The following CTU1 variants were observed in gnomAD, a reference collection of about 807,000 sequenced individuals.
The protein encoded by CTU1 is cytosolic thiouridylase subunit 1, also known as cytoplasmic tRNA 2-thiolation protein 1.
Under a neutral mutation model 12.9 loss-of-function variants are expected in CTU1, and 15 were observed. The observed-to-expected ratio is 1.16, with a 90% CI of 0.78 to 1.79. The LOEUF is 1.79. Ranked by LOEUF, CTU1 falls within the 40% of genes most tolerant of loss-of-function variation. The pLI is 0.00. For missense variants in CTU1, 553 were observed against 550.5 expected (o/e 1.00, Z -0.05); for synonymous variants, 295 against 275.6 (o/e 1.07, Z -0.70).
intron 1 of CTU1, among the ~76,000 whole-genome samples, chr19:51,105,073 G>A (rs1012695351): frequency 2.0e-5 from 3 of 152,172 alleles, no homozygotes; most frequent in Non-Finnish European, 2.9e-5. Flanking sequence ...GCAGAGGGAG[G>A]CCAGGGGACT....
chr19:51,098,987 C>T lies in CTU1; in HGVS notation c.661G>A (p.Val221Met), dbSNP rs1172908956. 3.2e-6 allele frequency: 5 copies of T among 1,541,842 alleles called. No individual in the cohort carries two copies. The highest frequency in any genetic ancestry group is 1.8e-5 in the Admixed American group (1 of 55,174). ...RPLQFASQKEVVLYAHFRRLD... is the reference protein window; with the variant it reads ...RPLQFASQKEMVLYAHFRRLD... ...CGGCGGAAGTGCGCGTACAGCACCA[C>T]CTCCTTCTGCGAGGCGAACTGCAGC... Residue 221 changes from valine to methionine, a missense_variant, in exon 3 of 3, where the codon GTG (valine) becomes ATG (methionine). Transcript: ENST00000421832. This position sits in a 1 kb window ranked among gnomAD's most constrained non-coding sequence, Gnocchi z 4.3.
At chr19:51,106,671 A>G (rs892441626) in intron 1 of CTU1, among the ~76,000 whole-genome samples, 3 of 119,756 alleles carry the variant, frequency 2.5e-5, no homozygotes, top group African/African-American at 9.0e-5. Flanking sequence ...ATGCCTGGCT[A>G]ATTTTTTTTT....
intron 1 of CTU1, among the ~76,000 whole-genome samples, chr19:51,106,483 C>A (rs752954227): frequency 6.7e-6 from 1 of 150,128 alleles, no homozygotes; most frequent in Non-Finnish European, 1.5e-5. Context: ...CCATCTCTTT[C>A]CATTTTTTAA....
At position 51,104,177 on chromosome 19, in the gene CTU1, G is replaced by A. The variant is rs1275994320; in HGVS notation, c.393C>T (p.Ala131=). The A allele has an allele frequency of 2.0e-6, 3 of 1,522,208 alleles. No individual in the cohort carries two copies. The Admixed American group carries it at 6.3e-5, about 32-fold the overall frequency. 94.3% of individuals were successfully genotyped at this position (1,522,208 alleles called of 1,614,324 possible). The change falls in exon 2 of 3, where the codon GCC becomes GCT. Residue 131 remains alanine, a synonymous_variant. Coordinates refer to ENST00000421832, the MANE Select transcript of CTU1 (RefSeq NM_145232.4). Reference sequence around the variant, plus strand: ...TGCGGCCGGAGCCGGCTGTGCTGCGGGCCACGGCGTCCATCGTCCAGCCCC... The same window carrying A: ...TGCGGCCGGAGCCGGCTGTGCTGCGAGCCACGGCGTCCATCGTCCAGCCCC... The part of the protein sequence containing the change: ...LFGGWTMDAV[A]RSTAGSGRSR...
chr19:51,104,040 C>G, intron 2 of CTU1, 22 bp downstream of exon 2: 3 of 1,428,176 alleles, frequency 2.1e-6, no homozygotes, highest in South Asian at 1.5e-5. Context: ...GAGTGCCGCT[C>G]TGCGGCCCGT....
In CTU1 at chr19:51,101,132, C is replaced by T. The variant is rs188282859; in HGVS notation, c.509-1993G>A. Among the ~76,000 whole-genome samples the T allele has an allele frequency of 1.1e-4, 16 of 152,170 alleles. No individual in the cohort carries two copies. The East Asian group carries it at 1.2e-3, about 11-fold the overall frequency. ...GCTAATTTTTGTATTTCTATACAGA[C>T]GCAGTTTCTCCATGTTGGCCAGGCT... On this transcript the variant is annotated intron_variant, in intron 2 of 2. Transcript: ENST00000421832.
Position 51,099,072 on chromosome 19 carries a change from C to A in CTU1, c.576G>T (p.Leu192=). ...GAGAGCCCAGGCCCCCGCCCCGGGCCAGCCGCCCCGCGTCGCCCCGTAGGA... is the reference window on the plus strand; with the variant it reads ...GAGAGCCCAGGCCCCCGCCCCGGGCAAGCCGCCCCGCGTCGCCCCGTAGGA... ...MNFLRGDAGR[L]ARGGGLGSPG... The change falls in exon 3 of 3, where the codon CTG becomes CTT. Residue 192 remains leucine, a synonymous_variant. Coordinates refer to ENST00000421832, the MANE Select transcript of CTU1 (RefSeq NM_145232.4). 1 of 1,524,748 alleles carries A rather than the reference C, an allele frequency of 6.6e-7. No individual in the cohort carries two copies. The highest frequency in any genetic ancestry group is 8.8e-7 in the Non-Finnish European group (1 of 1,142,492). The allele number at this position is 1,524,748 out of a possible 1,614,324, so 94.5% of individuals were successfully genotyped here.
chr19:51,105,419 C>T (rs2091918268), intron 1 of CTU1, among the ~76,000 whole-genome samples: 2 of 152,040 alleles, frequency 1.3e-5, no homozygotes, highest in African/African-American at 4.8e-5. Flanking sequence ...TTCTTCCCCA[C>T]CCAGCCTAGA....
In CTU1 at chr19:51,098,999, A is replaced by G; in HGVS notation, c.649T>C (p.Ser217Pro). The change falls in exon 3 of 3, where the codon TCG becomes CCG. Residue 217 changes from serine (S) to proline (P), a missense_variant. Physicochemically the swap from Ser to Pro is moderately conservative, Grantham distance 74. Coordinates refer to ENST00000421832, the MANE Select transcript of CTU1 (RefSeq NM_145232.4). The surrounding 1 kb of genome is among the most constrained non-coding windows in gnomAD (Gnocchi z 4.3). ...GCGTACAGCACCACCTCCTTCTGCG[A>G]GGCGAACTGCAGCGGGCGGCAGCGC... ...LPRCRPLQFASQKEVVLYAHF... is the reference protein window; with the variant it reads ...LPRCRPLQFAPQKEVVLYAHF... 2 of 1,536,246 alleles carry G rather than the reference A, an allele frequency of 1.3e-6. No homozygotes were observed. The highest frequency in any genetic ancestry group is 1.7e-6 in the Non-Finnish European group (2 of 1,147,434).
At position 51,098,988 on chromosome 19, in the gene CTU1, C is replaced by G. The variant is rs1401582788; in HGVS notation, c.660G>C (p.Glu220Asp). 1.3e-6 allele frequency: 2 copies of G among 1,541,990 alleles called. No individual in the cohort carries two copies. Among genetic ancestry groups the G allele is most frequent in the Admixed American group, 3.6e-5 (2 of 55,168 alleles). ...GGCGGAAGTGCGCGTACAGCACCAC[C>G]TCCTTCTGCGAGGCGAACTGCAGCG... ...CRPLQFASQK[E>D]VVLYAHFRRL... Residue 220 changes from glutamate to aspartate, a missense_variant, in exon 3 of 3, where the codon GAG becomes GAC. By Grantham distance (45) the Glu-to-Asp change is conservative. This residue lies in a region of CTU1 where 500 missense variants were observed against 458.5 expected (regional missense o/e 1.09). Transcript: ENST00000421832. This position sits in a 1 kb window ranked among gnomAD's most constrained non-coding sequence, Gnocchi z 4.3.
intron 1 of CTU1, among the ~76,000 whole-genome samples, chr19:51,104,896 T>C (rs1015226890): frequency 1.3e-5 from 2 of 152,160 alleles, no homozygotes; most frequent in African/African-American, 2.4e-5. Context: ...CAGGATTAGG[T>C]TGTGTCCTCT....
In CTU1 at chr19:51,098,795, C is replaced by CGGGGCGCG. The variant is rs2091898475; in HGVS notation, c.845_852dup (p.Gly285ArgfsTer27). 1 of 1,044,952 alleles carries CGGGGCGCG rather than the reference C, an allele frequency of 9.6e-7. No individual in the cohort carries two copies. The highest frequency in any genetic ancestry group is 5.7e-5 in the Admixed American group (1 of 17,672). 64.7% of individuals were successfully genotyped at this position (1,044,952 alleles called of 1,614,324 possible). ...AGCGCCCCACAGCGGGAGCAGGCGC[C>CGGGGCGCG]GGGGCGCGGGGGCCGCGCGGCCGGG... On this transcript the variant is annotated frameshift_variant, in exon 3 of 3. Transcript: ENST00000421832. LOFTEE classifies it low-confidence loss of function (END_TRUNC). This position sits in a 1 kb window ranked among gnomAD's most constrained non-coding sequence, Gnocchi z 4.3.
rs984337440 is a variant in CTU1, at chr19:51,100,905, GT to G, written c.509-1767del. The stretch of plus-strand genomic sequence containing the variant: ...CAACCCAGACTGTAGTTTTTTTATG[GT>G]TTTTTTTTTTCATTTTGTTTTATTG... On this transcript the variant is annotated intron_variant, in intron 2 of 2. Transcript: ENST00000421832. Among the ~76,000 whole-genome samples the G allele has an allele frequency of 4.7e-3, 672 of 143,834 alleles. 13 individuals are homozygous for G. The highest frequency in any genetic ancestry group is 0.01 in the African/African-American group (407 of 39,206). 94.4% of individuals were successfully genotyped at this position (143,834 alleles called of 152,430 possible).
Position 51,098,328 on chromosome 19 carries a change from T to G in CTU1, c.*273A>C, listed in dbSNP as rs1386073447. On this transcript the variant is annotated 3_prime_UTR_variant, in exon 3 of 3. Transcript: ENST00000421832. This position sits in a 1 kb window ranked among gnomAD's most constrained non-coding sequence, Gnocchi z 4.3. ...TGCCTGGGGTCCCCAGTCCCACTTC[T>G]TCTAGGCTTAGTCCTGGCCCTCTCC... The G allele has an allele frequency of 1.2e-5, 3 of 248,328 alleles. No homozygotes were observed. The highest frequency in any genetic ancestry group is 2.3e-5 in the Non-Finnish European group (3 of 131,066). The allele number at this position is 248,328 out of a possible 1,614,324, so 15.4% of individuals were successfully genotyped here. A position where few individuals can be genotyped will look rare whatever the true frequency, so the allele number is the denominator to read the frequency against.
chr19:51,104,087 G>T lies in CTU1; in HGVS notation c.483C>A (p.Arg161=). The T allele has an allele frequency of 6.8e-7, 1 of 1,464,868 alleles. No individual in the cohort carries two copies. The allele number at this position is 1,464,868 out of a possible 1,614,324, so 90.7% of individuals were successfully genotyped here. Residue 161 remains arginine (R), a synonymous_variant, in exon 2 of 3, where the codon CGC becomes CGA. Transcript: ENST00000421832. ...RRRALEEGAR[R]VGATHIVTGH... ...CTGTCACGATGTGCGTGGCTCCCAC[G>T]CGGCGCGCCCCTTCCTCCAGCGCCC...
intron 2 of CTU1, among the ~76,000 whole-genome samples, chr19:51,102,056 T>G (rs1369011563): frequency 6.6e-6 from 1 of 152,118 alleles, no homozygotes; most frequent in Non-Finnish European, 1.5e-5. Flanking sequence ...CAGGCTGGAG[T>G]GCAGTGGCGT....
rs544448363 is a variant in CTU1, at chr19:51,098,102, A to G, written c.*499T>C. 6.6e-6 allele frequency: 1 copy of G among 152,422 alleles called. No individual in the cohort carries two copies. Among genetic ancestry groups the G allele is most frequent in the African/African-American group, 2.4e-5 (1 of 41,508 alleles). The allele number at this position is 152,422 out of a possible 1,614,324, so 9.4% of individuals were successfully genotyped here. ...CATCAAGTCACGCTCCGCTTACCCC[A>G]CTGCGGGCAAACAGGAAACATCAGG... On this transcript the variant is annotated 3_prime_UTR_variant, in exon 3 of 3. Transcript: ENST00000421832. The surrounding 1 kb of genome is among the most constrained non-coding windows in gnomAD (Gnocchi z 4.3).
At chr19:51,099,946 G>A (rs189095372) in intron 2 of CTU1, among the ~76,000 whole-genome samples, 2 of 152,232 alleles carry the variant, frequency 1.3e-5, no homozygotes, top group African/African-American at 4.8e-5. Flanking sequence ...CCTTAGAGGG[G>A]AGGAGGGAGG....
chr19:51,098,931 G>C lies in CTU1; in HGVS notation c.717C>G (p.Tyr239Ter). 6.5e-7 allele frequency: 1 copy of C among 1,535,370 alleles called. No individual in the cohort carries two copies. Among genetic ancestry groups the C allele is most frequent in the Non-Finnish European group, 8.7e-7 (1 of 1,146,162 alleles). Residue 239 changes from tyrosine (Y) to a stop codon, truncating the protein, a stop_gained, in exon 3 of 3, where the codon TAC becomes TAG. Transcript: ENST00000421832. LOFTEE classifies it high-confidence loss of function. This position sits in a 1 kb window ranked among gnomAD's most constrained non-coding sequence, Gnocchi z 4.3. ...RLDYFSEECVYAPEAFRGHAR... is the reference protein window; with the variant it reads ...RLDYFSEECV ...CGTGGCCGCGGAAGGCCTCGGGCGC[G>C]TAGACGCACTCCTCGGAGAAGTAGT...
Sources: gnomAD v4.1 joint callset for allele counts (sites outside exome capture counted in the v4.1 genomes callset) on GRCh38, gnomAD v4.1.1 for gene constraint, gnomAD v4.1.1 regional missense constraint, Gnocchi (gnomAD v3.1) non-coding constraint, MANE v1.5 for transcripts, NCBI Gene and HGNC (gene_info 2026-07-23, HGNC 2026-07-21) for gene names.